The following KMT2C variants were observed in gnomAD, a reference collection of about 807,000 sequenced individuals.
KMT2C encodes histone-lysine N-methyltransferase 2C.
In KMT2C, 88 loss-of-function variants were observed where a neutral mutation model predicts 507.9. The observed-to-expected ratio is 0.17, with a 90% CI of 0.15 to 0.21. The LOEUF is 0.21. KMT2C is among the 10% of genes least tolerant of loss of function. The pLI is 1.00. For synonymous variants in KMT2C, 2,049 were observed against 2,080.8 expected, an observed-to-expected ratio of 0.98 and a Z score of 0.42; for missense variants, 4,954 against 5,957.8, an observed-to-expected ratio of 0.83 and a Z score of 5.55.
chr7:152,157,340 A>AC (rs976570283), intron 44 of KMT2C, among the ~76,000 whole-genome samples: 5 of 152,212 alleles, frequency 3.3e-5, no homozygotes, highest in African/African-American at 1.2e-4. Context: ...AAAAAAAAAA[A>AC]AAACCTACAA....
chr7:152,150,202 C>G (rs2091491302), intron 51 of KMT2C, among the ~76,000 whole-genome samples: 1 of 152,216 alleles, frequency 6.6e-6, no homozygotes, highest in African/African-American at 2.4e-5. Flanking sequence ...TCAAGTAAAG[C>G]AGACCTCTTT....
At chr7:152,360,000 T>G (rs1489046714) in intron 1 of KMT2C, among the ~76,000 whole-genome samples, 1 of 117,366 alleles carries the variant, frequency 8.5e-6, no homozygotes, top group Non-Finnish European at 1.6e-5. Flanking sequence ...AGTGAGCTGA[T>G]ATCATGCCAC....
At chr7:152,306,879 C>T (rs1251484144) in intron 6 of KMT2C, among the ~76,000 whole-genome samples, 1 of 152,184 alleles carries the variant, frequency 6.6e-6, no homozygotes, top group Non-Finnish European at 1.5e-5. Flanking sequence ...TGAACAAAAG[C>T]CAGGCGTGGT....
At chr7:152,270,913 T>C (rs1023015064) in intron 7 of KMT2C, among the ~76,000 whole-genome samples, 1 of 152,206 alleles carries the variant, frequency 6.6e-6, no homozygotes, top group African/African-American at 2.4e-5. Context: ...AGATGCATGC[T>C]TTTGTTAAAT....
At chr7:152,237,821 TG>T (rs1332903514) in intron 15 of KMT2C, among the ~76,000 whole-genome samples, 2 of 152,212 alleles carry the variant, frequency 1.3e-5, no homozygotes, top group Admixed American at 1.3e-4. Flanking sequence ...GTTTTTAAAT[TG>T]GTATAAAAGA....
intron 1 of KMT2C, among the ~76,000 whole-genome samples, chr7:152,360,368 C>T (rs2097186657): frequency 6.6e-6 from 1 of 151,742 alleles, no homozygotes; most frequent in Non-Finnish European, 1.5e-5. Context: ...ATCCCAGCTA[C>T]TCAGGAGGCT....
intron 3 of KMT2C, among the ~76,000 whole-genome samples, chr7:152,322,618 C>T (rs930224229): frequency 4.0e-5 from 6 of 151,840 alleles, no homozygotes; most frequent in African/African-American, 1.4e-4. Flanking sequence ...TAGAATAAAA[C>T]ATAGGGAGAA....
At chr7:152,198,685 G>A (rs2094038621) in intron 27 of KMT2C, among the ~76,000 whole-genome samples, 1 of 152,012 alleles carries the variant, frequency 6.6e-6, no homozygotes, top group South Asian at 2.1e-4. Flanking sequence ...CTCAACCGGG[G>A]GTGATTTTGC....
intron 1 of KMT2C, among the ~76,000 whole-genome samples, chr7:152,429,164 G>A (rs2097846498): frequency 6.6e-6 from 1 of 152,036 alleles, no homozygotes. Flanking sequence ...ACCCCTCTAG[G>A]CCACAATAAA....
At chr7:152,296,443 AAAAG>A (rs1189450732) in intron 6 of KMT2C, among the ~76,000 whole-genome samples, 9 of 151,462 alleles carry the variant, frequency 5.9e-5, no homozygotes, top group Non-Finnish European at 1.2e-4. Context: ...AAAAAAAAAA[AAAAG>A]AGAGAGAGAG....
intron 1 of KMT2C, among the ~76,000 whole-genome samples, chr7:152,362,988 C>T (rs1337662918): frequency 1.3e-5 from 2 of 152,126 alleles, no homozygotes; most frequent in East Asian, 3.8e-4. Flanking sequence ...TTTATTTCAT[C>T]GGTGTCCTTA....
chr7:152,386,618 C>A (rs577423194), intron 1 of KMT2C, among the ~76,000 whole-genome samples: 5 of 152,248 alleles, frequency 3.3e-5, no homozygotes, highest in African/African-American at 1.2e-4. Context: ...TCCCTCACCG[C>A]TTCTCACCCT....
At chr7:152,233,015 GA>G (rs2095169650) in intron 16 of KMT2C, among the ~76,000 whole-genome samples, 1 of 152,080 alleles carries the variant, frequency 6.6e-6, no homozygotes, top group Non-Finnish European at 1.5e-5. Context: ...CGCTTTCACT[GA>G]AAATGATAAA....
intron 1 of KMT2C, among the ~76,000 whole-genome samples, chr7:152,388,081 A>G (rs1414334374): frequency 1.3e-5 from 2 of 150,916 alleles, no homozygotes; most frequent in Admixed American, 1.3e-4. Context: ...CTGGGGGGAA[A>G]AAATGTAACC....
At chr7:152,328,352 A>C (rs2096850241) in intron 3 of KMT2C, among the ~76,000 whole-genome samples, 1 of 152,108 alleles carries the variant, frequency 6.6e-6, no homozygotes, top group South Asian at 2.1e-4. Context: ...CCTTCAGAGG[A>C]GGCTAGTATT....
intron 11 of KMT2C, among the ~76,000 whole-genome samples, chr7:152,251,554 G>C (rs2095562330): frequency 6.6e-6 from 1 of 152,036 alleles, no homozygotes; most frequent in Admixed American, 6.5e-5. Flanking sequence ...AAAATCTTGG[G>C]CTGAAAAGGT....
chr7:152,148,963 G>A lies in KMT2C; in HGVS notation c.12964C>T (p.Pro4322Ser), dbSNP rs587778511. 2.3e-5 allele frequency: 37 copies of A among 1,599,754 alleles called. No individual in the cohort carries two copies. The highest frequency in any genetic ancestry group is 2.9e-5 in the Non-Finnish European group (34 of 1,173,014). The change falls in exon 52 of 59, where the codon CCA (proline) becomes TCA (serine). Residue 4322 changes from proline (P) to serine (S), a missense_variant. Transcript: ENST00000262189. The surrounding 1 kb of genome is among the most constrained non-coding windows in gnomAD (Gnocchi z 7.1). ...TTGACTGTCACCTTCAGCTCATCTG[G>A]CTTGGCCTCGACTTGGGCTGCTTCA... is the stretch of plus-strand genomic sequence containing the variant. Reference protein sequence around the residue: ...AFEAAQVEAKPDELKVTVKLK... With the variant: ...AFEAAQVEAKSDELKVTVKLK...
At chr7:152,360,219 T>A (rs2097185260) in intron 1 of KMT2C, among the ~76,000 whole-genome samples, 1 of 152,094 alleles carries the variant, frequency 6.6e-6, no homozygotes, top group Admixed American at 6.6e-5. Flanking sequence ...AACTCACGCC[T>A]GTAATCCTAG....
At chr7:152,403,715 TACACACAC>T (rs36191060) in intron 1 of KMT2C, among the ~76,000 whole-genome samples, 43 of 145,110 alleles carry the variant, frequency 3.0e-4, no homozygotes, top group African/African-American at 8.8e-4. Flanking sequence ...CTGGGACACA[TACACACAC>T]ACACACACAC....
Sources: gnomAD v4.1 joint callset for allele counts (sites outside exome capture counted in the v4.1 genomes callset) on GRCh38, gnomAD v4.1.1 for gene constraint, Gnocchi (gnomAD v3.1) non-coding constraint, MANE v1.5 for transcripts, NCBI Gene and HGNC (gene_info 2026-07-23, HGNC 2026-07-21) for gene names.